Variants in PCMT1 observed in about 807,000 individuals in gnomAD.
The protein encoded by PCMT1 is protein-L-isoaspartate (D-aspartate) O-methyltransferase, also known as protein-L-isoaspartate(D-aspartate) O-methyltransferase.
PCMT1 carries 9 observed loss-of-function variants against 29.2 expected under a neutral mutation model. The ratio of observed to expected loss-of-function variants is 0.31; its 90% CI spans 0.19 to 0.54. The LOEUF is 0.54. Among genes scored for constraint, PCMT1 ranks in the 20% least tolerant of loss-of-function variants. PCMT1 has a pLI of 0.95. For synonymous variants in PCMT1, 98 were observed against 97.5 expected, an observed-to-expected ratio of 1.00 and a Z score of -0.03; for missense variants, 184 against 282.2, an observed-to-expected ratio of 0.65 and a Z score of 2.49.
intron 1 of PCMT1, among the ~76,000 whole-genome samples, chr6:149,751,759 C>T (rs1235624365): frequency 2.0e-5 from 3 of 151,808 alleles, no homozygotes; most frequent in African/African-American, 7.3e-5. Context: ...GGATTATAGG[C>T]GTGAGCCACC....
chr6:149,789,514 C>A (rs1273356743), intron 3 of PCMT1, among the ~76,000 whole-genome samples: 1 of 152,034 alleles, frequency 6.6e-6, no homozygotes, highest in Non-Finnish European at 1.5e-5. Context: ...CATGGAGAAA[C>A]CTCATCTCTA....
chr6:149,783,568 T>C (rs1490074128), intron 3 of PCMT1, among the ~76,000 whole-genome samples: 1 of 152,220 alleles, frequency 6.6e-6, no homozygotes, highest in East Asian at 1.9e-4. Flanking sequence ...AATGTGATGC[T>C]CTTAGGGAGT....
At chr6:149,767,516 G>C (rs987956874) in intron 1 of PCMT1, among the ~76,000 whole-genome samples, 1 of 152,014 alleles carries the variant, frequency 6.6e-6, no homozygotes, top group Non-Finnish European at 1.5e-5. Flanking sequence ...GCAGTGGCAT[G>C]ATCAGGGCAT....
chr6:149,786,601 G>GGTC (rs1175145934), intron 3 of PCMT1, among the ~76,000 whole-genome samples: 20 of 137,882 alleles, frequency 1.5e-4, no homozygotes, highest in Admixed American at 6.5e-4. Context: ...TCTCAGATGG[G>GGTC]GCGGCCGGGC....
chr6:149,770,916 G>A (rs1484005111), intron 1 of PCMT1, among the ~76,000 whole-genome samples: 14 of 148,068 alleles, frequency 9.5e-5, no homozygotes, highest in African/African-American at 3.5e-4. Context: ...GGAGAATAGC[G>A]TGAACCCAGG....
chr6:149,762,297 C>T (rs1449848892), intron 1 of PCMT1, among the ~76,000 whole-genome samples: 3 of 151,542 alleles, frequency 2.0e-5, no homozygotes, highest in Non-Finnish European at 2.9e-5. Context: ...CCAACATTAG[C>T]CATTATTATA....
intron 1 of PCMT1, among the ~76,000 whole-genome samples, chr6:149,758,993 C>T (rs1786632979): frequency 6.6e-6 from 1 of 152,132 alleles, no homozygotes; most frequent in South Asian, 2.1e-4. Flanking sequence ...TCTCCTACCT[C>T]AGCCTCCCGA....
intron 3 of PCMT1, among the ~76,000 whole-genome samples, chr6:149,782,707 T>TATA (rs1787862995): frequency 2.6e-5 from 4 of 151,696 alleles, no homozygotes; most frequent in Admixed American, 2.6e-4. Context: ...GGTAACAGAT[T>TATA]ATAGCACAGT....
intron 1 of PCMT1, among the ~76,000 whole-genome samples, chr6:149,763,414 T>C (rs1786946823): frequency 6.6e-6 from 1 of 151,384 alleles, no homozygotes; most frequent in Non-Finnish European, 1.5e-5. Context: ...TGGGCAAAAA[T>C]AAATAATAAG....
intron 1 of PCMT1, among the ~76,000 whole-genome samples, chr6:149,768,444 A>ATTTTTTTTTT (rs548328646): frequency 1.3e-5 from 1 of 75,854 alleles, no homozygotes; most frequent in Non-Finnish European, 2.2e-5. Context: ...TTAGTCTTGA[A>ATTTTTTTTTT]TTTTTTTTTT....
intron 4 of PCMT1, among the ~76,000 whole-genome samples, chr6:149,792,314 C>CA (rs900497992): frequency 5.1e-4 from 74 of 144,472 alleles, no homozygotes; most frequent in East Asian, 1.4e-3. Context: ...GACTTTATCT[C>CA]AAAAAAAAAA....
At chr6:149,774,485 C>T (rs1787470894) in intron 3 of PCMT1, among the ~76,000 whole-genome samples, 4 of 150,268 alleles carry the variant, frequency 2.7e-5, no homozygotes, top group Admixed American at 6.6e-5. Context: ...GTGATCCACC[C>T]GCCTCAGCCT....
intron 4 of PCMT1, among the ~76,000 whole-genome samples, chr6:149,792,811 A>G (rs1415855690): frequency 6.6e-6 from 1 of 152,056 alleles, no homozygotes; most frequent in Non-Finnish European, 1.5e-5. Flanking sequence ...GAGCCACTGT[A>G]TATATTTTCA....
rs1209403225 is a variant in PCMT1 at position 149,802,097 on chromosome 6, C to G, written c.505-103C>G. On this transcript the variant is annotated intron_variant, in intron 6 of 7. Transcript: ENST00000464889. Reference sequence around the variant, plus strand: ...TGAGCTGAGATCGTGTCATTGCACTCCAGCCTGGGCGACAGAGTGAGACCC... The same window carrying G: ...TGAGCTGAGATCGTGTCATTGCACTGCAGCCTGGGCGACAGAGTGAGACCC... 3.9e-6 allele frequency: 3 copies of G among 765,950 alleles called. No individual in the cohort carries two copies. In the African/African-American group the frequency reaches 5.3e-5, roughly 13 times the overall value. The allele number at this position is 765,950 out of a possible 1,614,324, so 47.4% of individuals were successfully genotyped here. A position where few individuals can be genotyped will look rare whatever the true frequency, so the allele number is the denominator to read the frequency against.
intron 2 of PCMT1, 119 bp from the exon 3 acceptor site, chr6:149,773,016 GAAA>G (rs373290909): frequency 5.0e-3 from 2,105 of 420,584 alleles, no homozygotes; most frequent in East Asian, 7.3e-3. Flanking sequence ...GACTGTCTCA[GAAA>G]AAAAAAAAAA....
intron 3 of PCMT1, among the ~76,000 whole-genome samples, chr6:149,785,552 A>C (rs1219578911): frequency 6.6e-6 from 1 of 152,044 alleles, no homozygotes; most frequent in Non-Finnish European, 1.5e-5. Context: ...GAGGACCCTG[A>C]GGCCTTCCGC....
At chr6:149,758,200 C>CTTTTTTTTTT (rs1786589755) in intron 1 of PCMT1, among the ~76,000 whole-genome samples, 1 of 67,866 alleles carries the variant, frequency 1.5e-5, no homozygotes, top group African/African-American at 6.3e-5. Flanking sequence ...TTTTTTCTTT[C>CTTTTTTTTTT]TTTCTTTCTT....
intron 1 of PCMT1, among the ~76,000 whole-genome samples, chr6:149,770,191 C>T (rs192942050): frequency 1.3e-5 from 2 of 152,154 alleles, no homozygotes; most frequent in Non-Finnish European, 2.9e-5. Context: ...GCTCCAGATC[C>T]ATGTGTCCAG....
chr6:149,772,160 G>A (rs1452581188), intron 2 of PCMT1: 2 of 451,736 alleles, frequency 4.4e-6, no homozygotes, highest in Non-Finnish European at 8.9e-6. Flanking sequence ...ATAACAGTCA[G>A]CAGAGAAGAT....
Sources: gnomAD v4.1 joint callset for allele counts (sites outside exome capture counted in the v4.1 genomes callset) on GRCh38, gnomAD v4.1.1 for gene constraint, MANE v1.5 for transcripts, NCBI Gene and HGNC (gene_info 2026-07-23, HGNC 2026-07-21) for gene names.